PRR5L: variants seen among roughly 807,000 people sequenced by gnomAD.
PRR5L encodes the protein proline rich 5 like.
In PRR5L, 21 loss-of-function variants were observed where a neutral mutation model predicts 36.4. The observed-to-expected ratio is 0.58, with a 90% CI of 0.41 to 0.83. PRR5L has a LOEUF of 0.83. Among genes scored for constraint, PRR5L ranks in the 40% least tolerant of loss-of-function variants. The pLI is 0.00. For synonymous variants in PRR5L, 188 were observed against 197.0 expected, an observed-to-expected ratio of 0.95 and a Z score of 0.38; for missense variants, 381 against 473.3, an observed-to-expected ratio of 0.80 and a Z score of 1.81.
At chr11:36,439,669 G>T (rs753603477) in intron 6 of PRR5L, among the ~76,000 whole-genome samples, 1 of 152,118 alleles carries the variant, frequency 6.6e-6, no homozygotes, top group Admixed American at 6.5e-5. Context: ...GGGAGGTGGC[G>T]AAGATCTGCA....
intron 1 of PRR5L, chr11:36,329,256 G>C (rs939886241): frequency 4.6e-5 from 7 of 152,100 alleles, no homozygotes; most frequent in African/African-American, 1.7e-4. Context: ...GTGTTCTAGT[G>C]AACTTTCTCA....
chr11:36,308,152 T>C (rs1484758448), intron 1 of PRR5L, among the ~76,000 whole-genome samples: 1 of 152,168 alleles, frequency 6.6e-6, no homozygotes, highest in Non-Finnish European at 1.5e-5. Context: ...ATGGATGTTG[T>C]AGAGTTGAAA....
chr11:36,401,473 G>A (rs1429233630), intron 2 of PRR5L, among the ~76,000 whole-genome samples, 188 bp downstream of exon 2: 1 of 152,148 alleles, frequency 6.6e-6, no homozygotes, highest in African/African-American at 2.4e-5. Flanking sequence ...CACCCAGGCT[G>A]GAGTGCAGTC....
intron 1 of PRR5L, among the ~76,000 whole-genome samples, chr11:36,354,153 G>A (rs1236470536): frequency 6.6e-6 from 1 of 152,194 alleles, no homozygotes; most frequent in Non-Finnish European, 1.5e-5. Flanking sequence ...TTCCTTGTCT[G>A]TAGAATGGAA....
chr11:36,393,970 C>A (rs1032554273), intron 1 of PRR5L: 6 of 152,250 alleles, frequency 3.9e-5, no homozygotes, highest in Non-Finnish European at 7.3e-5. Context: ...AGGAAATCAA[C>A]CCTGCTGACA....
chr11:36,388,729 C>G lies in PRR5L; in HGVS notation c.-125-12268C>G, dbSNP rs1383973651. ...TTTTTTTTTTTTTGAGACGGAGTCTCGCTCTGTCGCCCAGGCTGGAATGCA... is the reference window on the plus strand; with the variant it reads ...TTTTTTTTTTTTTGAGACGGAGTCTGGCTCTGTCGCCCAGGCTGGAATGCA... On this transcript the variant is annotated intron_variant, in intron 1 of 8. Coordinates refer to ENST00000530639, the MANE Select transcript of PRR5L (RefSeq NM_001160167.2). Among the ~76,000 whole-genome samples the G allele has an allele frequency of 2.5e-5, 3 of 121,306 alleles. No individual in the cohort carries two copies. The Admixed American group carries it at 3.3e-4, about 13-fold the overall frequency. 79.6% of individuals were successfully genotyped at this position (121,306 alleles called of 152,430 possible).
intron 3 of PRR5L, among the ~76,000 whole-genome samples, chr11:36,416,792 T>C (rs1858153002): frequency 6.7e-6 from 1 of 149,908 alleles, no homozygotes; most frequent in South Asian, 2.2e-4. Flanking sequence ...ACCCTCCCTG[T>C]AGAGTGAAGC....
intron 1 of PRR5L, among the ~76,000 whole-genome samples, chr11:36,370,551 CTT>C (rs1298281234): frequency 5.3e-5 from 8 of 152,176 alleles, no homozygotes; most frequent in African/African-American, 1.9e-4. Context: ...AAATGACTGA[CTT>C]AGGATTGTGG....
intron 7 of PRR5L, among the ~76,000 whole-genome samples, chr11:36,450,902 T>C (rs1397340380): frequency 2.0e-5 from 3 of 152,232 alleles, no homozygotes; most frequent in African/African-American, 4.8e-5. Flanking sequence ...GATGACAGTA[T>C]GGGTAGGATT....
chr11:36,300,452 G>A (rs1856363049), intron 1 of PRR5L, among the ~76,000 whole-genome samples: 1 of 152,048 alleles, frequency 6.6e-6, no homozygotes, highest in Non-Finnish European at 1.5e-5. Context: ...ACCCAAACAT[G>A]TCCCACTAGA....
intron 1 of PRR5L, among the ~76,000 whole-genome samples, chr11:36,351,162 T>C (rs1275062600): frequency 1.9e-5 from 2 of 105,158 alleles, no homozygotes; most frequent in Non-Finnish European, 3.4e-5. Context: ...ATATATATAA[T>C]TTATATATAA....
intron 5 of PRR5L, among the ~76,000 whole-genome samples, chr11:36,435,233 T>G (rs2133603406): frequency 6.6e-6 from 1 of 152,188 alleles, no homozygotes; most frequent in African/African-American, 2.4e-5. Context: ...ATAGCCTATA[T>G]TTGAAAGAGG....
At chr11:36,462,218 G>A in intron 8 of PRR5L, 124 bp from the exon 9 acceptor site, 1 of 884,726 alleles carries the variant, frequency 1.1e-6, no homozygotes, top group African/African-American at 1.7e-5. Flanking sequence ...ATTGTGGCAG[G>A]GCTGCACCTA....
chr11:36,402,993 T>C (rs980620671), intron 2 of PRR5L, among the ~76,000 whole-genome samples: 1 of 152,258 alleles, frequency 6.6e-6, no homozygotes, highest in Non-Finnish European at 1.5e-5. Flanking sequence ...CCCAGGTCCA[T>C]GCAGTTTCCT....
chr11:36,410,956 C>T (rs1429678770), intron 3 of PRR5L, among the ~76,000 whole-genome samples: 2 of 152,232 alleles, frequency 1.3e-5, no homozygotes, highest in African/African-American at 4.8e-5. Flanking sequence ...CTGGGCGGAT[C>T]TCACCAAAGG....
At chr11:36,440,233 C>T (rs1041855718) in intron 6 of PRR5L, among the ~76,000 whole-genome samples, 2 of 152,114 alleles carry the variant, frequency 1.3e-5, no homozygotes, top group Admixed American at 1.3e-4. Context: ...AAAACCTCCC[C>T]CCCACCTATG....
intron 1 of PRR5L, among the ~76,000 whole-genome samples, chr11:36,381,946 C>T (rs1857376246): frequency 6.6e-6 from 1 of 152,042 alleles, no homozygotes; most frequent in Non-Finnish European, 1.5e-5. Flanking sequence ...ATCATGAGGT[C>T]AGGAGATCGA....
rs892203525 is a variant in PRR5L at position 36,377,470 on chromosome 11, C to G, written c.-125-23527C>G. 3 of 152,290 alleles carry G rather than the reference C, an allele frequency of 2.0e-5. No homozygotes were observed. Among genetic ancestry groups the G allele is most frequent in the Non-Finnish European group, 4.4e-5 (3 of 68,082 alleles). The allele number at this position is 152,290 out of a possible 1,614,324, so 9.4% of individuals were successfully genotyped here. A position where few individuals can be genotyped will look rare whatever the true frequency, so the allele number is the denominator to read the frequency against. Reference sequence around the variant, plus strand: ...GGGCTCGCTGCACGCAGGGGGCGCTCTAGGGGCCCCGCCCGGGCAGCTGGG... The same window carrying G: ...GGGCTCGCTGCACGCAGGGGGCGCTGTAGGGGCCCCGCCCGGGCAGCTGGG... On this transcript the variant is annotated intron_variant, in intron 1 of 8. Transcript: ENST00000530639. This position sits in a 1 kb window ranked among gnomAD's most constrained non-coding sequence, Gnocchi z 5.1.
chr11:36,404,064 G>T (rs1280743278), intron 3 of PRR5L, among the ~76,000 whole-genome samples: 1 of 152,156 alleles, frequency 6.6e-6, no homozygotes, highest in East Asian at 1.9e-4. Flanking sequence ...GGTGAACAGG[G>T]CTCCAGTTGG....
Sources: allele counts gnomAD v4.1 joint callset (sites outside exome capture counted in the v4.1 genomes callset), GRCh38; gene constraint gnomAD v4.1.1; non-coding constraint Gnocchi (gnomAD v3.1); transcripts MANE v1.5; gene names NCBI Gene and HGNC (gene_info 2026-07-23, HGNC 2026-07-21).